C1QTNF7: variants seen among roughly 807,000 people sequenced by gnomAD.
C1QTNF7 encodes the protein C1q and TNF related 7.
In C1QTNF7, 15 loss-of-function variants were observed where a neutral mutation model predicts 19.6. The observed-to-expected ratio is 0.76, with a 90% confidence interval of 0.51 to 1.18. The LOEUF (loss-of-function observed/expected upper bound fraction) is 1.18. C1QTNF7 is among the 50% of genes most tolerant of loss of function. The pLI is 0.00. For synonymous variants in C1QTNF7, 142 were observed against 137.5 expected (o/e 1.03, Z -0.23); for missense variants, 324 against 359.7 (o/e 0.90, Z 0.80).
chr4:15,356,168 G>C (rs1437671034), intron 1 of C1QTNF7, among the ~76,000 whole-genome samples: 2 of 151,924 alleles, frequency 1.3e-5, no homozygotes, highest in East Asian at 3.9e-4. Context: ...TGTTACATAG[G>C]TATACACGTG....
chr4:15,392,359 G>A (rs1443317262), intron 1 of C1QTNF7, among the ~76,000 whole-genome samples: 4 of 152,136 alleles, frequency 2.6e-5, no homozygotes, highest in East Asian at 1.9e-4. Context: ...TGGATACAGC[G>A]TCCTCGCAGA....
upstream of C1QTNF7, among the ~76,000 whole-genome samples, chr4:15,425,789 C>A (rs1445283533): frequency 3.9e-5 from 6 of 152,124 alleles, no homozygotes; most frequent in East Asian, 3.9e-4. Flanking sequence ...ATGCTCATTA[C>A]ATATCAGCTA....
chr4:15,396,699 G>A (rs1191842042), intron 1 of C1QTNF7, among the ~76,000 whole-genome samples: 4 of 152,126 alleles, frequency 2.6e-5, no homozygotes, highest in Non-Finnish European at 5.9e-5. Flanking sequence ...TGAGGACCCT[G>A]AGAGTTCCTC....
At chr4:15,418,113 TAAAC>T (rs1380353592) in intron 1 of C1QTNF7, among the ~76,000 whole-genome samples, 1 of 152,094 alleles carries the variant, frequency 6.6e-6, no homozygotes, top group Non-Finnish European at 1.5e-5. Context: ...CATCAGCTCT[TAAAC>T]AAAAGTTTGT....
At chr4:15,383,731 G>A (rs374036158) in intron 1 of C1QTNF7, among the ~76,000 whole-genome samples, 5 of 152,182 alleles carry the variant, frequency 3.3e-5, no homozygotes, top group Admixed American at 3.3e-4. Flanking sequence ...AGGTAGCAAC[G>A]TCTGTAGTAT....
intron 1 of C1QTNF7, among the ~76,000 whole-genome samples, chr4:15,399,830 A>G (rs1368768362): frequency 6.6e-6 from 1 of 152,190 alleles, no homozygotes; most frequent in Admixed American, 6.5e-5. Flanking sequence ...TTCAAGTAGT[A>G]TATACTGAGT....
At chr4:15,363,423 T>C (rs1413073719) in intron 1 of C1QTNF7, among the ~76,000 whole-genome samples, 2 of 152,172 alleles carry the variant, frequency 1.3e-5, no homozygotes, top group East Asian at 1.9e-4. Context: ...GCAATCCCTA[T>C]TGTAATCACA....
intron 1 of C1QTNF7, among the ~76,000 whole-genome samples, chr4:15,379,761 C>A (rs1231899241): frequency 6.6e-6 from 1 of 152,190 alleles, no homozygotes; most frequent in Non-Finnish European, 1.5e-5. Flanking sequence ...CTATTAAAAC[C>A]AGATCAGTTA....
chr4:15,357,792 T>C (rs761236306), intron 1 of C1QTNF7, among the ~76,000 whole-genome samples: 5 of 152,196 alleles, frequency 3.3e-5, no homozygotes, highest in African/African-American at 4.8e-5. Context: ...CTTGAAGAGG[T>C]ACTTCACATC....
At chr4:15,424,447 T>C (rs1010350945), upstream of C1QTNF7, among the ~76,000 whole-genome samples, 5 of 152,220 alleles carry the variant, frequency 3.3e-5, no homozygotes, top group African/African-American at 1.2e-4. Context: ...ATGCTGGCTC[T>C]TTCGGGGTGA....
In C1QTNF7 at chr4:15,384,248, T is replaced by G. The variant is rs182550990; in HGVS notation, c.13+44041T>G. 2.0e-3 allele frequency among the ~76,000 whole-genome samples: 308 copies of G among 152,332 alleles called. 1 individual carries two copies. Among genetic ancestry groups the G allele is most frequent in the Non-Finnish European group, 2.6e-3 (174 of 68,024 alleles). On this transcript the variant is annotated intron_variant, in intron 1 of 2. Transcript: ENST00000295297. ...GTGCTGAGAGCTCCCAGGCCAGTGC[T>G]TGTCATAGAGTAAGCACTAGAAAGG...
intron 1 of C1QTNF7, among the ~76,000 whole-genome samples, chr4:15,409,985 G>A (rs1420565165): frequency 6.6e-6 from 1 of 152,072 alleles, no homozygotes; most frequent in Non-Finnish European, 1.5e-5. Context: ...ACTCTTCTTT[G>A]TCTCATAAAA....
At position 15,445,412 on chromosome 4, in the gene C1QTNF7, G is replaced by A. The variant is rs963166512; in HGVS notation, c.*2613G>A. The A allele has an allele frequency of 6.6e-5, 10 of 152,174 alleles. No individual in the cohort carries two copies. The highest frequency in any genetic ancestry group is 1.2e-4 in the Non-Finnish European group (8 of 68,028). The allele number at this position is 152,174 out of a possible 1,614,324, so 9.4% of individuals were successfully genotyped here. ...CTGTGATTAAAATTTTCTTCTGATC[G>A]TAATCCACGAATGCATTCATTTTTT... is the stretch of plus-strand genomic sequence containing the variant. On this transcript the variant is annotated 3_prime_UTR_variant, in exon 3 of 3. Coordinates refer to ENST00000444304, the MANE Select transcript of C1QTNF7 (RefSeq NM_031911.5).
chr4:15,422,709 A>C (rs1234569603), intron 1 of C1QTNF7, among the ~76,000 whole-genome samples: 1 of 152,100 alleles, frequency 6.6e-6, no homozygotes, highest in Non-Finnish European at 1.5e-5. Context: ...GGCTCAAGCC[A>C]TCCTCCCACC....
chr4:15,401,579 A>C (rs1177149483), intron 1 of C1QTNF7, among the ~76,000 whole-genome samples: 1 of 152,262 alleles, frequency 6.6e-6, no homozygotes, highest in Admixed American at 6.5e-5. Context: ...AACAGAAGGC[A>C]GATACAAAAT....
intron 1 of C1QTNF7, among the ~76,000 whole-genome samples, chr4:15,368,902 G>A (rs1188219522): frequency 6.6e-6 from 1 of 152,180 alleles, no homozygotes; most frequent in Non-Finnish European, 1.5e-5. Context: ...CATTTATTCT[G>A]GGAAAGCCAA....
In C1QTNF7 at chr4:15,364,269, T is replaced by A. The variant is rs527312491; in HGVS notation, c.13+24062T>A. ...TTTGGCTTGGTGATTTATCAGCCTC[T>A]TCATTGTACTTGGCACTTAGGAGGA... On this transcript the variant is annotated intron_variant, in intron 1 of 2. Coordinates refer to the C1QTNF7 transcript ENST00000295297. Among the ~76,000 whole-genome samples the A allele has an allele frequency of 2.6e-5, 4 of 152,322 alleles. No homozygotes were observed. In the South Asian group the frequency reaches 6.2e-4, roughly 24 times the overall value.
chr4:15,371,472 G>C (rs752966535), intron 1 of C1QTNF7, among the ~76,000 whole-genome samples: 4 of 152,116 alleles, frequency 2.6e-5, no homozygotes, highest in Non-Finnish European at 5.9e-5. Flanking sequence ...CTAATGGCTG[G>C]ACATATCTTA....
At chr4:15,410,982 T>C (rs183898232) in intron 1 of C1QTNF7, among the ~76,000 whole-genome samples, 13 of 152,248 alleles carry the variant, frequency 8.5e-5, no homozygotes, top group African/African-American at 3.1e-4. Flanking sequence ...GTCATCCAAA[T>C]TGCATTTCCT....
Sources: gnomAD v4.1 joint callset for allele counts (sites outside exome capture counted in the v4.1 genomes callset) on GRCh38, gnomAD v4.1.1 for gene constraint, MANE v1.5 for transcripts, NCBI Gene and HGNC (gene_info 2026-07-23, HGNC 2026-07-21) for gene names.